MYH14: variants seen among roughly 807,000 people sequenced by gnomAD.
MYH14 encodes myosin heavy chain 14, also known as myosin-14.
A neutral mutation model predicts 255.5 loss-of-function variants in MYH14; 123 were observed. The ratio of observed to expected loss-of-function variants is 0.48; its 90% confidence interval spans 0.42 to 0.56. The LOEUF (loss-of-function observed/expected upper bound fraction) is 0.56, where lower values mean the gene tolerates loss of function less well. MYH14 is among the 20% of genes least tolerant of loss of function. The pLI, the probability that MYH14 is intolerant of heterozygous loss-of-function variation, is 0.00. For synonymous variants in MYH14, 1,095 were observed against 1,161.2 expected (o/e 0.94, Z 1.16); for missense variants, 2,423 against 2,802.3 (o/e 0.86, Z 3.06).
chr19:50,246,111 TCTTCCTTCCTTCCTTCCTTCCCTCCTTC>T (rs1204686071), intron 11 of MYH14, among the ~76,000 whole-genome samples: 1 of 106,264 alleles, frequency 9.4e-6, no homozygotes, highest in East Asian at 3.3e-4. Flanking sequence ...TCCCTTCCTT[TCTTCCTTCCTTCCTTCCTTCCCTCCTTC>T]CTTCCTTCCT....
chr19:50,282,727 A>C (rs1275941680), intron 33 of MYH14, among the ~76,000 whole-genome samples: 1 of 152,170 alleles, frequency 6.6e-6, no homozygotes, highest in Non-Finnish European at 1.5e-5. Context: ...AAATTAAAAA[A>C]AATTTTTTTA....
Position 50,219,390 on chromosome 19 carries a change from A to G in MYH14, c.562+1619A>G, listed in dbSNP as rs1196987367. Among the ~76,000 whole-genome samples, 6 of 152,074 alleles carry G rather than the reference A, an allele frequency of 3.9e-5. 1 individual carries two copies. Among genetic ancestry groups the G allele is most frequent in the Non-Finnish European group, 7.3e-5 (5 of 68,032 alleles). ...TTTTCCATAATTAAAAAATCAAAAA[A>G]TAACATGTTGGTGTGGATACGGTGA... On this transcript the variant is annotated intron_variant, in intron 3 of 42. Transcript: ENST00000642316.
At chr19:50,209,733 G>A (rs1439423317) in intron 1 of MYH14, among the ~76,000 whole-genome samples, 4 of 149,078 alleles carry the variant, frequency 2.7e-5, no homozygotes, top group South Asian at 2.1e-4. Flanking sequence ...GCAGTGAGCC[G>A]AGATCGTGCC....
chr19:50,270,691 A>AT (rs1173328266), intron 24 of MYH14, among the ~76,000 whole-genome samples: 14 of 104,016 alleles, frequency 1.3e-4, no homozygotes, highest in African/African-American at 4.9e-4. Flanking sequence ...AAAATTATTT[A>AT]TTATTTATTT....
chr19:50,231,691 C>T (rs1282195126), intron 9 of MYH14, among the ~76,000 whole-genome samples: 1 of 149,500 alleles, frequency 6.7e-6, no homozygotes, highest in Non-Finnish European at 1.5e-5. Flanking sequence ...GCAGCCTGGG[C>T]AACAGAGCAA....
chr19:50,309,299 C>T, intron 42 of MYH14, 122 bp downstream of exon 42: 1 of 995,270 alleles, frequency 1.0e-6, no homozygotes, highest in South Asian at 1.4e-5. Flanking sequence ...GGGTGTGGGG[C>T]TGTGGGAGCA....
intron 33 of MYH14, among the ~76,000 whole-genome samples, chr19:50,283,183 G>A (rs1479135850): frequency 1.3e-5 from 2 of 151,660 alleles, no homozygotes; most frequent in Non-Finnish European, 2.9e-5. Context: ...GCAGTGGCAC[G>A]ATCTCAGCTC....
intron 11 of MYH14, among the ~76,000 whole-genome samples, chr19:50,246,398 C>T (rs1225256041): frequency 6.6e-6 from 1 of 152,100 alleles, no homozygotes; most frequent in Non-Finnish European, 1.5e-5. Flanking sequence ...ACCTTGGCCT[C>T]CCGAAGGGCC....
intron 29 of MYH14, among the ~76,000 whole-genome samples, chr19:50,277,849 G>A (rs1227590869): frequency 2.0e-5 from 3 of 151,976 alleles, no homozygotes; most frequent in Admixed American, 1.3e-4. Flanking sequence ...CCTGGGAGGC[G>A]GAGGTTGCAG....
chr19:50,247,215 A>G (rs2123295421), intron 12 of MYH14, 93 bp downstream of exon 12: 5 of 890,180 alleles, frequency 5.6e-6, no homozygotes, highest in East Asian at 2.7e-5. Context: ...CCACCACTCA[A>G]CAGACTTTTG....
chr19:50,210,686 C>G lies in MYH14; in HGVS notation c.321C>G (p.Ala107=). 6.4e-7 allele frequency: 1 copy of G among 1,569,962 alleles called. No homozygotes were observed. The highest frequency in any genetic ancestry group is 8.6e-7 in the Non-Finnish European group (1 of 1,159,460). Residue 107 remains alanine (A), a synonymous_variant, in exon 2 of 43, where the codon GCC becomes GCG. Coordinates refer to ENST00000642316, the MANE Select transcript of MYH14 (RefSeq NM_001145809.2). ...TGAACCCGCCCAAGTTCAGCAAGGC[C>G]GAGGACATGGCCGAGCTGACCTGCC... The part of the protein sequence containing the change: ...QRMNPPKFSK[A]EDMAELTCLN...
intron 23 of MYH14, among the ~76,000 whole-genome samples, chr19:50,267,902 G>C (rs2035148720): frequency 6.6e-6 from 1 of 152,064 alleles, no homozygotes; most frequent in Non-Finnish European, 1.5e-5. Flanking sequence ...AGGGGCCAGA[G>C]AGAGCAGGGG....
chr19:50,279,918 G>A lies in MYH14; in HGVS notation c.4033-119G>A, dbSNP rs143619852. 1.1e-3 allele frequency: 851 copies of A among 800,722 alleles called. 6 individuals carry two copies. In the African/African-American group the frequency reaches 0.013, roughly 12 times the overall value. The allele number at this position is 800,722 out of a possible 1,614,324, so 49.6% of individuals were successfully genotyped here. On this transcript the variant is annotated intron_variant, in intron 30 of 42. Coordinates refer to ENST00000642316, the MANE Select transcript of MYH14 (RefSeq NM_001145809.2). Reference sequence around the variant, plus strand: ...TAAGCATCTGTGGATCTGCCAGACTGTTTTCCACGGCAGCTGTAACATTTC... The same window carrying A: ...TAAGCATCTGTGGATCTGCCAGACTATTTTCCACGGCAGCTGTAACATTTC...
At chr19:50,279,261 T>G (rs2035624926) in intron 30 of MYH14, among the ~76,000 whole-genome samples, 1 of 152,224 alleles carries the variant, frequency 6.6e-6, no homozygotes. Context: ...TGTGGCTGCC[T>G]TCTTTTACTT....
intron 33 of MYH14, chr19:50,285,109 TG>T (rs2035852675): frequency 1.3e-5 from 2 of 151,784 alleles, no homozygotes; most frequent in South Asian, 4.2e-4. Context: ...GTTGGCCAGG[TG>T]GTCTTGAACT....
At position 50,232,081 on chromosome 19, in the gene MYH14, C is replaced by T; in HGVS notation, c.1114+11C>T. ...ACGAGGAAATCATCTGTGAGTGAGCCCCGTGGAGGCCAGGGGTAGGGGGGA... is the reference window on the plus strand; with the variant it reads ...ACGAGGAAATCATCTGTGAGTGAGCTCCGTGGAGGCCAGGGGTAGGGGGGA... On this transcript the variant is annotated intron_variant, in intron 10 of 42. Coordinates refer to ENST00000642316, the MANE Select transcript of MYH14 (RefSeq NM_001145809.2). 3 of 1,610,372 alleles carry T rather than the reference C, an allele frequency of 1.9e-6. No individual in the cohort carries two copies. The highest frequency in any genetic ancestry group is 1.6e-4 in the Middle Eastern group (1 of 6,062).
chr19:50,227,849 G>A (rs1440841840), intron 8 of MYH14, among the ~76,000 whole-genome samples: 3 of 152,144 alleles, frequency 2.0e-5, no homozygotes, highest in East Asian at 1.9e-4. Flanking sequence ...GCCTTTCCCT[G>A]CCTCAGTTTC....
intron 15 of MYH14, among the ~76,000 whole-genome samples, chr19:50,251,126 G>A (rs978046324): frequency 6.6e-6 from 1 of 152,150 alleles, no homozygotes; most frequent in East Asian, 1.9e-4. Context: ...AGGCAGCTGA[G>A]GGTAGTGTCA....
intron 18 of MYH14, 112 bp downstream of exon 18, chr19:50,257,598 G>A: frequency 9.1e-7 from 1 of 1,103,880 alleles, no homozygotes; most frequent in East Asian, 2.6e-5. Flanking sequence ...TTAGCTGTGT[G>A]GCTTTGAGCA....
Sources: gnomAD v4.1 joint callset for allele counts (sites outside exome capture counted in the v4.1 genomes callset) on GRCh38, gnomAD v4.1.1 for gene constraint, MANE v1.5 for transcripts, NCBI Gene and HGNC (gene_info 2026-07-23, HGNC 2026-07-21) for gene names.